The following ZFHX3 variants were observed in gnomAD, a reference collection of about 807,000 sequenced individuals.
ZFHX3 encodes the protein zinc finger homeobox 3.
ZFHX3 carries 42 observed loss-of-function variants against 279.1 expected under a neutral mutation model. The observed-to-expected ratio is 0.15, with a 90% CI of 0.12 to 0.19. The LOEUF is 0.19. Among genes scored for constraint, ZFHX3 ranks in the 10% least tolerant of loss-of-function variants. ZFHX3 has a pLI of 1.00. For missense variants in ZFHX3, 4,981 were observed against 4,754.0 expected (o/e 1.05, Z -1.40); for synonymous variants, 2,293 against 1,957.8 (o/e 1.17, Z -4.52).
chr16:73,289,915 TG>T (rs568654033), intron 4 of ZFHX3, among the ~76,000 whole-genome samples: 11 of 152,216 alleles, frequency 7.2e-5, no homozygotes, highest in Admixed American at 6.5e-4. Flanking sequence ...CCCTTTGGGA[TG>T]CCCCCTTCAG....
At chr16:73,846,952 T>C (rs550750686) in intron 1 of ZFHX3, among the ~76,000 whole-genome samples, 1 of 152,320 alleles carries the variant, frequency 6.6e-6, no homozygotes, top group East Asian at 1.9e-4. Flanking sequence ...CTCCTTTGTT[T>C]ATATATTGTA....
intron 1 of ZFHX3, among the ~76,000 whole-genome samples, chr16:72,984,447 T>G (rs112195685): frequency 6.6e-6 from 1 of 152,042 alleles, no homozygotes; most frequent in Non-Finnish European, 1.5e-5. Context: ...GGCAACACAG[T>G]GCGACCTCGT....
chr16:73,014,631 G>A (rs1419575534), intron 1 of ZFHX3, among the ~76,000 whole-genome samples: 1 of 144,870 alleles, frequency 6.9e-6, no homozygotes, highest in African/African-American at 2.6e-5. Flanking sequence ...TGCTTCAAGC[G>A]ATTCTCTGCC....
intron 1 of ZFHX3, among the ~76,000 whole-genome samples, chr16:72,992,947 G>A (rs1199025729): frequency 6.6e-6 from 1 of 152,216 alleles, no homozygotes; most frequent in African/African-American, 2.4e-5. Context: ...GACCAGCCTG[G>A]CCAACATGGT....
chr16:73,315,277 C>T (rs906169000), intron 4 of ZFHX3, among the ~76,000 whole-genome samples: 9 of 151,222 alleles, frequency 6.0e-5, no homozygotes, highest in African/African-American at 2.2e-4. Flanking sequence ...TATAATGATA[C>T]AATGCCTCCT....
At chr16:73,676,541 A>G (rs1445172005) in intron 2 of ZFHX3, among the ~76,000 whole-genome samples, 1 of 152,050 alleles carries the variant, frequency 6.6e-6, no homozygotes, top group Non-Finnish European at 1.5e-5. Flanking sequence ...CTATATGCCC[A>G]AAGACAGAGA....
intron 1 of ZFHX3, among the ~76,000 whole-genome samples, chr16:73,043,817 C>CT (rs1396602516): frequency 1.3e-5 from 2 of 152,250 alleles, no homozygotes; most frequent in Non-Finnish European, 2.9e-5. Context: ...CTGATTGCCA[C>CT]TTTGCACATG....
At chr16:73,835,996 C>T (rs1961136640) in intron 1 of ZFHX3, among the ~76,000 whole-genome samples, 1 of 152,124 alleles carries the variant, frequency 6.6e-6, no homozygotes, top group Admixed American at 6.5e-5. Flanking sequence ...AAGAATTATA[C>T]TCACTTTGCA....
intron 5 of ZFHX3, among the ~76,000 whole-genome samples, chr16:73,254,791 A>G (rs968761102): frequency 6.6e-6 from 1 of 152,226 alleles, no homozygotes; most frequent in Non-Finnish European, 1.5e-5. Context: ...AACTAGCTCT[A>G]TAACTGCAAG....
intron 3 of ZFHX3, among the ~76,000 whole-genome samples, chr16:73,321,803 C>T (rs561035387): frequency 5.3e-5 from 8 of 152,012 alleles, no homozygotes; most frequent in East Asian, 1.9e-4. Context: ...AAAGGGTAGG[C>T]GGGTGTCTCT....
At chr16:73,377,145 T>C (rs1286165689) in intron 3 of ZFHX3, among the ~76,000 whole-genome samples, 1 of 152,130 alleles carries the variant, frequency 6.6e-6, no homozygotes, top group Non-Finnish European at 1.5e-5. Flanking sequence ...CTAATTTTTG[T>C]ATTTTTAGTA....
chr16:73,489,655 A>C (rs2019027550), intron 2 of ZFHX3, among the ~76,000 whole-genome samples: 1 of 152,222 alleles, frequency 6.6e-6, no homozygotes, highest in Admixed American at 6.5e-5. Context: ...TCTAAGAAAA[A>C]ATATTCACAA....
At chr16:73,079,496 C>A (rs1038312575) in intron 8 of ZFHX3, among the ~76,000 whole-genome samples, 4 of 152,022 alleles carry the variant, frequency 2.6e-5, no homozygotes, top group Non-Finnish European at 5.9e-5. Flanking sequence ...CCAAAAAAAA[C>A]CAATTATTTT....
intron 2 of ZFHX3, among the ~76,000 whole-genome samples, chr16:73,632,405 G>A (rs2052482542): frequency 6.6e-6 from 1 of 152,098 alleles, no homozygotes; most frequent in African/African-American, 2.4e-5. Flanking sequence ...CATATGAGCC[G>A]GGTGCGGTGG....
In ZFHX3 at chr16:73,590,335, T is replaced by C. The variant is rs1567527240; in HGVS notation, c.-1547+89845A>G. ...TCCAACCAACAGGAACCAGGGCTCA[T>C]TGGAAAAATAATTGATTCCCCATCT... is the stretch of plus-strand genomic sequence containing the variant. On this transcript the variant is annotated intron_variant, in intron 2 of 17. Coordinates refer to the ZFHX3 transcript ENST00000641206. Among the ~76,000 whole-genome samples, 3 of 152,178 alleles carry C rather than the reference T, an allele frequency of 2.0e-5. No homozygotes were observed. In the South Asian group the frequency reaches 6.2e-4, roughly 31 times the overall value.
At chr16:73,564,475 T>C (rs950570590) in intron 2 of ZFHX3, among the ~76,000 whole-genome samples, 2 of 152,210 alleles carry the variant, frequency 1.3e-5, no homozygotes, top group Admixed American at 6.5e-5. Context: ...CATCCTAAGA[T>C]GTAAGTTCCA....
At chr16:73,266,771 C>T (rs915703216) in intron 4 of ZFHX3, among the ~76,000 whole-genome samples, 3 of 152,174 alleles carry the variant, frequency 2.0e-5, no homozygotes, top group Admixed American at 6.5e-5. Flanking sequence ...GTTTTATAAG[C>T]GGGAGTTTCC....
chr16:73,616,616 A>G (rs891293840), intron 2 of ZFHX3, among the ~76,000 whole-genome samples: 3 of 151,982 alleles, frequency 2.0e-5, no homozygotes, highest in South Asian at 4.2e-4. Context: ...GTGTGTGTAC[A>G]TATATGCACA....
At chr16:73,805,841 C>T (rs1237848141) in intron 1 of ZFHX3, among the ~76,000 whole-genome samples, 1 of 152,138 alleles carries the variant, frequency 6.6e-6, no homozygotes, top group Non-Finnish European at 1.5e-5. Flanking sequence ...GGTACTTCTT[C>T]GGCTCAGGTG....
Sources: gnomAD v4.1 joint callset for allele counts (sites outside exome capture counted in the v4.1 genomes callset) on GRCh38, gnomAD v4.1.1 for gene constraint, MANE v1.5 for transcripts, NCBI Gene and HGNC (gene_info 2026-07-23, HGNC 2026-07-21) for gene names.